Variants in PHIP observed in about 807,000 individuals in gnomAD.
The protein encoded by PHIP is PH-interacting protein.
PHIP carries 54 observed loss-of-function variants against 236.8 expected under a neutral mutation model. The observed-to-expected ratio is 0.23, with a 90% CI of 0.18 to 0.29. The LOEUF is 0.29. Among genes scored for constraint, PHIP ranks in the 10% least tolerant of loss-of-function variants. PHIP has a pLI of 1.00. For missense variants in PHIP, 1,370 were observed against 2,190.8 expected (o/e 0.63, Z 7.48); for synonymous variants, 756 against 718.9 (o/e 1.05, Z -0.83).
chr6:79,003,588 G>A (rs1770129555), intron 16 of PHIP, 142 bp downstream of exon 16: 1 of 476,536 alleles, frequency 2.1e-6, no homozygotes, highest in Non-Finnish European at 3.6e-6. Context: ...CCGAAACTAA[G>A]TCTCCAGACT....
intron 35 of PHIP, among the ~76,000 whole-genome samples, chr6:78,950,343 C>T (rs1774072071): frequency 6.6e-6 from 1 of 152,106 alleles, no homozygotes; most frequent in Non-Finnish European, 1.5e-5. Flanking sequence ...GTTTTGAGAT[C>T]AGGGGAACAC....
At chr6:79,018,873 A>G (rs1419171013) in intron 10 of PHIP, among the ~76,000 whole-genome samples, 2 of 152,028 alleles carry the variant, frequency 1.3e-5, no homozygotes, top group Non-Finnish European at 2.9e-5. Context: ...CTTCTTAAAG[A>G]AAAACAGTCA....
At position 78,954,953 on chromosome 6, in the gene PHIP, G is replaced by T; in HGVS notation, c.3914C>A (p.Pro1305His). Residue 1305 changes from proline to histidine, a missense_variant, in exon 35 of 40, where the codon CCT (proline) becomes CAT (histidine). By Grantham distance (77) the Pro-to-His change is moderately conservative. Transcript: ENST00000275034. The part of the protein sequence containing the change: ...TSTRKRKDHQ[P>H]RRRLRNRAQS... Reference sequence around the variant, plus strand: ...GGCTCTATTACGTAATCTTCTTCTAGGCTGATGGTCCTGTGATAAAAGTGT... The same window carrying T: ...GGCTCTATTACGTAATCTTCTTCTATGCTGATGGTCCTGTGATAAAAGTGT... 1 of 1,557,446 alleles carries T rather than the reference G, an allele frequency of 6.4e-7. No individual in the cohort carries two copies.
chr6:78,987,642 T>C (rs1378453042), intron 21 of PHIP, among the ~76,000 whole-genome samples: 1 of 152,144 alleles, frequency 6.6e-6, no homozygotes, highest in Non-Finnish European at 1.5e-5. Flanking sequence ...GGAGATGGTT[T>C]AACTGCTTAA....
At chr6:79,025,652 C>G (rs1162242290) in intron 8 of PHIP, 33 bp from the exon 9 acceptor site, 1 of 1,305,364 alleles carries the variant, frequency 7.7e-7, no homozygotes, top group Non-Finnish European at 1.1e-6. Flanking sequence ...AAAATCTTTA[C>G]AAGAGTGACA....
intron 6 of PHIP, among the ~76,000 whole-genome samples, chr6:79,049,592 A>C (rs1337731326): frequency 6.6e-6 from 1 of 152,210 alleles, no homozygotes; most frequent in Non-Finnish European, 1.5e-5. Flanking sequence ...AAATACGATT[A>C]ATAACTATCA....
intron 39 of PHIP, among the ~76,000 whole-genome samples, chr6:78,941,589 T>C (rs1318769505): frequency 2.6e-5 from 4 of 152,154 alleles, no homozygotes; most frequent in Non-Finnish European, 4.4e-5. Context: ...TAAGTTAACA[T>C]TGTGATTGAG....
intron 37 of PHIP, 68 bp downstream of exon 37, chr6:78,946,643 A>C: frequency 6.8e-7 from 1 of 1,473,460 alleles, no homozygotes; most frequent in Middle Eastern, 2.5e-4. Flanking sequence ...AGTATTAAAA[A>C]ACACCAAGTT....
At chr6:78,972,580 G>C (rs1028508101) in intron 24 of PHIP, among the ~76,000 whole-genome samples, 6 of 152,122 alleles carry the variant, frequency 3.9e-5, no homozygotes, top group African/African-American at 1.4e-4. Context: ...AAATTACTCT[G>C]AGCTACAGGA....
intron 15 of PHIP, among the ~76,000 whole-genome samples, chr6:79,011,361 T>G (rs1041894308): frequency 2.0e-5 from 3 of 151,844 alleles, no homozygotes; most frequent in African/African-American, 7.2e-5. Context: ...TCTCATAATA[T>G]TTTCTACAAA....
chr6:78,946,122 C>A lies in PHIP; in HGVS notation c.4509G>T (p.Val1503=). ...QINGKTESSS[V]VRTRSNRVVV... ...CCACTCGGTTGCTTCTGGTTCGAACCACAGAACTAGATTCTGTTTTACCGT... is the reference window on the plus strand; with the variant it reads ...CCACTCGGTTGCTTCTGGTTCGAACAACAGAACTAGATTCTGTTTTACCGT... Residue 1503 remains valine, a synonymous_variant, in exon 38 of 40, where the codon GTG becomes GTT. Coordinates refer to ENST00000275034, the MANE Select transcript of PHIP (RefSeq NM_017934.7). 6.2e-7 allele frequency: 1 copy of A among 1,613,950 alleles called. No individual in the cohort carries two copies. Among genetic ancestry groups the A allele is most frequent in the Non-Finnish European group, 8.5e-7 (1 of 1,179,858 alleles).
intron 15 of PHIP, among the ~76,000 whole-genome samples, chr6:79,014,373 G>A (rs1461402269): frequency 6.6e-6 from 1 of 151,670 alleles, no homozygotes; most frequent in Non-Finnish European, 1.5e-5. Flanking sequence ...TAAACATGCT[G>A]AAATAGTGGA....
chr6:78,991,773 A>G (rs1386216368), intron 19 of PHIP, among the ~76,000 whole-genome samples: 2 of 152,098 alleles, frequency 1.3e-5, no homozygotes, highest in African/African-American at 2.4e-5. Flanking sequence ...GTGGCTGGCC[A>G]TAATTCTGAA....
Position 79,064,197 on chromosome 6 carries a change from T to G in PHIP, c.190-3379A>C, listed in dbSNP as rs189596665. Among the ~76,000 whole-genome samples the G allele has an allele frequency of 8.3e-4, 127 of 152,284 alleles. 1 individual carries two copies. The highest frequency in any genetic ancestry group is 1.4e-3 in the Non-Finnish European group (92 of 68,006). ...AACTTCTCTGACTGCACGGAAATCC[T>G]ACACTATAAATTAGACCTCCACATT... On this transcript the variant is annotated intron_variant, in intron 4 of 39. Coordinates refer to ENST00000275034, the MANE Select transcript of PHIP (RefSeq NM_017934.7).
chr6:79,034,632 C>T (rs1295943870), intron 7 of PHIP, among the ~76,000 whole-genome samples: 1 of 152,128 alleles, frequency 6.6e-6, no homozygotes, highest in Non-Finnish European at 1.5e-5. Context: ...CTTGATAGAG[C>T]TCTTTCTGGT....
At chr6:78,995,707 C>T (rs763086678) in intron 19 of PHIP, among the ~76,000 whole-genome samples, 7 of 152,212 alleles carry the variant, frequency 4.6e-5, no homozygotes, top group African/African-American at 7.2e-5. Context: ...GCCCATTCTC[C>T]GGTTGGATTC....
At chr6:78,972,280 C>T (rs1767640018) in intron 24 of PHIP, among the ~76,000 whole-genome samples, 1 of 152,296 alleles carries the variant, frequency 6.6e-6, no homozygotes, top group East Asian at 1.9e-4. Context: ...TGACACCTCA[C>T]ACTGCAGGGT....
intron 24 of PHIP, among the ~76,000 whole-genome samples, chr6:78,972,495 C>T (rs1228913379): frequency 2.0e-5 from 3 of 152,208 alleles, no homozygotes; most frequent in African/African-American, 7.2e-5. Flanking sequence ...AGGAACACAG[C>T]TCCTCACCAG....
chr6:79,049,285 C>G (rs992950445), intron 6 of PHIP, among the ~76,000 whole-genome samples: 1 of 152,052 alleles, frequency 6.6e-6, no homozygotes, highest in African/African-American at 2.4e-5. Flanking sequence ...TGGTCTCGAA[C>G]TCCCAGCCTC....
Sources: allele counts gnomAD v4.1 joint callset (sites outside exome capture counted in the v4.1 genomes callset), GRCh38; gene constraint gnomAD v4.1.1; transcripts MANE v1.5; gene names NCBI Gene and HGNC (gene_info 2026-07-23, HGNC 2026-07-21).